PTGFRN: variants seen among roughly 807,000 people sequenced by gnomAD.
PTGFRN encodes the protein prostaglandin F2 receptor inhibitor.
A neutral mutation model predicts 83.2 loss-of-function variants in PTGFRN; 35 were observed. That is an observed-to-expected ratio of 0.42 (90% CI 0.32 to 0.56). PTGFRN has a LOEUF of 0.56. PTGFRN is among the 20% of genes least tolerant of loss of function. PTGFRN has a pLI of 0.11. For synonymous variants in PTGFRN, 519 were observed against 498.6 expected (o/e 1.04, Z -0.55); for missense variants, 1,051 against 1,179.5 (o/e 0.89, Z 1.60).
chr1:116,942,987 A>G (rs1650097495), intron 2 of PTGFRN, among the ~76,000 whole-genome samples: 1 of 152,250 alleles, frequency 6.6e-6, no homozygotes, highest in Non-Finnish European at 1.5e-5. Flanking sequence ...AAGAAAATAG[A>G]AACATTATAA....
In PTGFRN at chr1:116,944,781, C is replaced by T. The variant is rs976967451; in HGVS notation, c.521C>T (p.Ala174Val). Residue 174 changes from alanine (A) to valine (V), a missense_variant, in exon 3 of 9, where the codon GCC becomes GTC. By Grantham distance (64) the Ala-to-Val change is moderately conservative (BLOSUM62 0). This residue lies in a region of PTGFRN where 205 missense variants were observed against 174.5 expected (regional missense o/e 1.17). Transcript: ENST00000393203. ...GAGCTGCGCTGCACCGCCGCCTCCG[C>T]CTCGCCGCTGCACACGCACCTGGCG... is the stretch of plus-strand genomic sequence containing the variant. ...PFELRCTAAS[A>V]SPLHTHLALL... 1 of 1,559,898 alleles carries T rather than the reference C, an allele frequency of 6.4e-7. No individual in the cohort carries two copies. The highest frequency in any genetic ancestry group is 8.6e-7 in the Non-Finnish European group (1 of 1,156,746).
intron 7 of PTGFRN, among the ~76,000 whole-genome samples, chr1:116,977,963 G>C (rs1570678612): frequency 6.6e-6 from 1 of 152,056 alleles, no homozygotes; most frequent in Admixed American, 6.5e-5. Context: ...CAACAAAATA[G>C]ATAGACCACT....
rs760963805 is a variant in PTGFRN at position 116,923,498 on chromosome 1, G to A, written c.49+13246G>A. On this transcript the variant is annotated intron_variant, in intron 1 of 8. Transcript: ENST00000393203. The surrounding 1 kb of genome is among the most constrained non-coding windows in gnomAD (Gnocchi z 4.0). ...TCTCGTTTTTTTCCTTGGCAGCTTGGGTGGAAGACAGATGACTCATGAGTT... is the reference window on the plus strand; with the variant it reads ...TCTCGTTTTTTTCCTTGGCAGCTTGAGTGGAAGACAGATGACTCATGAGTT... Among the ~76,000 whole-genome samples the A allele has an allele frequency of 6.6e-6, 1 of 152,050 alleles. No individual in the cohort carries two copies. The highest frequency in any genetic ancestry group is 1.5e-5 in the Non-Finnish European group (1 of 68,010).
intron 5 of PTGFRN, among the ~76,000 whole-genome samples, chr1:116,964,274 G>C (rs1275673691): frequency 6.6e-6 from 1 of 152,002 alleles, no homozygotes; most frequent in Non-Finnish European, 1.5e-5. Context: ...GCTGCTTGTG[G>C]TAAGATGGCC....
intron 7 of PTGFRN, among the ~76,000 whole-genome samples, chr1:116,976,306 A>G (rs1651153996): frequency 6.6e-6 from 1 of 152,210 alleles, no homozygotes; most frequent in African/African-American, 2.4e-5. Context: ...TCTGCAGGAT[A>G]TTGTCCAGTA....
chr1:116,933,796 C>T (rs1042446390), intron 1 of PTGFRN, among the ~76,000 whole-genome samples: 2 of 152,150 alleles, frequency 1.3e-5, no homozygotes, highest in African/African-American at 4.8e-5. Context: ...TGAAAGTTAG[C>T]CATCAGTTGT....
Position 116,989,378 on chromosome 1 carries a change from A to G in PTGFRN, c.*2411A>G, listed in dbSNP as rs1651634208. 6.6e-6 allele frequency: 1 copy of G among 152,294 alleles called. No individual in the cohort carries two copies. The highest frequency in any genetic ancestry group is 2.4e-5 in the African/African-American group (1 of 41,454). 9.4% of individuals were successfully genotyped at this position (152,294 alleles called of 1,614,324 possible). On this transcript the variant is annotated 3_prime_UTR_variant, in exon 9 of 9. Coordinates refer to ENST00000393203, the MANE Select transcript of PTGFRN (RefSeq NM_020440.4). ...TTGTACCAAGGACCTAGTTCCTTCT[A>G]GGGATATAAATTTCCAGGAATGTGT...
intron 4 of PTGFRN, among the ~76,000 whole-genome samples, chr1:116,956,647 G>A (rs1393039210): frequency 1.3e-5 from 2 of 152,330 alleles, no homozygotes; most frequent in Middle Eastern, 3.4e-3. Flanking sequence ...CTGCGGCTGG[G>A]TGCACGCAGT....
In PTGFRN at chr1:116,986,814, C is replaced by G. The variant is rs1255985873; in HGVS notation, c.2487C>G (p.Phe829Leu). The G allele has an allele frequency of 1.2e-6, 2 of 1,614,134 alleles. No individual in the cohort carries two copies. Among genetic ancestry groups the G allele is most frequent in the Non-Finnish European group, 8.5e-7 (1 of 1,179,998 alleles). ...ITVKMDVLNA[F>L]KYPLLIGVGL... Reference sequence around the variant, plus strand: ...TCTCCCTCCCAGTGCTGAACGCCTTCAAGTATCCCTTGCTGATCGGCGTCG... The same window carrying G: ...TCTCCCTCCCAGTGCTGAACGCCTTGAAGTATCCCTTGCTGATCGGCGTCG... Residue 829 changes from phenylalanine to leucine, a missense_variant, in exon 9 of 9, where the codon TTC becomes TTG. Physicochemically the swap from Phe to Leu is conservative, Grantham distance 22. This residue lies in a region of PTGFRN where 719 missense variants were observed against 836.6 expected (regional missense o/e 0.86). Coordinates refer to ENST00000393203, the MANE Select transcript of PTGFRN (RefSeq NM_020440.4).
intron 1 of PTGFRN, among the ~76,000 whole-genome samples, chr1:116,937,452 C>T (rs563762047): frequency 1.6e-4 from 24 of 152,260 alleles, no homozygotes; most frequent in Admixed American, 5.2e-4. Flanking sequence ...GGGTGCTGGC[C>T]GGGGCCAGGG....
intron 1 of PTGFRN, among the ~76,000 whole-genome samples, chr1:116,935,272 G>T (rs757967566): frequency 3.9e-5 from 6 of 152,252 alleles, no homozygotes; most frequent in South Asian, 2.1e-4. Context: ...CCCACAAGGT[G>T]CTGGAAGCTC....
At chr1:116,973,806 T>G (rs1651068675) in intron 6 of PTGFRN, among the ~76,000 whole-genome samples, 1 of 152,024 alleles carries the variant, frequency 6.6e-6, no homozygotes, top group Non-Finnish European at 1.5e-5. Context: ...GACCACTCAC[T>G]CCACTGGAAC....
In PTGFRN at chr1:116,982,577, G is replaced by A. The variant is rs370429334; in HGVS notation, c.2168-2103G>A. On this transcript the variant is annotated intron_variant, in intron 7 of 8. Coordinates refer to ENST00000393203, the MANE Select transcript of PTGFRN (RefSeq NM_020440.4). Reference sequence around the variant, plus strand: ...TCCGCAAGCAAAGACAGACAAGCACGCGAGTGATGGATTGAGGGAGTGTTC... The same window carrying A: ...TCCGCAAGCAAAGACAGACAAGCACACGAGTGATGGATTGAGGGAGTGTTC... 1.9e-3 allele frequency among the ~76,000 whole-genome samples: 286 copies of A among 152,136 alleles called. 15 individuals carry two copies. In the South Asian group the frequency reaches 0.058, roughly 31 times the overall value.
chr1:116,941,285 C>T lies in PTGFRN; in HGVS notation c.50-430C>T, dbSNP rs1650051574. On this transcript the variant is annotated intron_variant, in intron 1 of 8. Transcript: ENST00000393203. The surrounding 1 kb of genome is among the most constrained non-coding windows in gnomAD (Gnocchi z 5.0). ...GTCATTGTAAATCAGGTCTCAGGAG[C>T]CCCAGGGAATGGTCTCTAGGGATGA... Among the ~76,000 whole-genome samples, 1 of 152,126 alleles carries T rather than the reference C, an allele frequency of 6.6e-6. No individual in the cohort carries two copies. Among genetic ancestry groups the T allele is most frequent in the Non-Finnish European group, 1.5e-5 (1 of 68,018 alleles).
chr1:116,910,379 C>A, intron 1 of PTGFRN, 127 bp downstream of exon 1: 3 of 847,262 alleles, frequency 3.5e-6, no homozygotes, highest in South Asian at 5.8e-5. Context: ...GGAAACCCGG[C>A]CGGGGTGCGC....
intron 1 of PTGFRN, among the ~76,000 whole-genome samples, chr1:116,930,535 T>C (rs868634280): frequency 1.4e-4 from 21 of 152,330 alleles, no homozygotes; most frequent in Middle Eastern, 3.4e-3. Flanking sequence ...CCGGTGGACA[T>C]TTCTACTGGT....
chr1:116,953,246 A>G (rs770059999), intron 4 of PTGFRN, among the ~76,000 whole-genome samples: 1 of 152,222 alleles, frequency 6.6e-6, no homozygotes, highest in Non-Finnish European at 1.5e-5. Flanking sequence ...CAAGGAAGGT[A>G]ATTATTTTAT....
At chr1:116,944,175 G>A (rs1452091560) in intron 2 of PTGFRN, among the ~76,000 whole-genome samples, 1 of 152,192 alleles carries the variant, frequency 6.6e-6, no homozygotes, top group Non-Finnish European at 1.5e-5. Context: ...AGTCTAGAAG[G>A]TCACCTTATC....
In PTGFRN at chr1:116,961,728, T is replaced by C. The variant is rs562495175; in HGVS notation, c.1639+60T>C. 6.8e-7 allele frequency: 1 copy of C among 1,471,436 alleles called. No individual in the cohort carries two copies. The highest frequency in any genetic ancestry group is 1.4e-5 in the African/African-American group (1 of 71,304). 91.1% of individuals were successfully genotyped at this position (1,471,436 alleles called of 1,614,324 possible). A position where few individuals can be genotyped will look rare whatever the true frequency, so the allele number is the denominator to read the frequency against. ...TGTCTTTGCTTAAGTCGTGCCGCTG[T>C]GTGTTGATGCACAGTCACCCTCTGC... On this transcript the variant is annotated intron_variant, in intron 5 of 8. Coordinates refer to ENST00000393203, the MANE Select transcript of PTGFRN (RefSeq NM_020440.4). This position sits in a 1 kb window ranked among gnomAD's most constrained non-coding sequence, Gnocchi z 5.4.
Sources: allele counts gnomAD v4.1 joint callset (sites outside exome capture counted in the v4.1 genomes callset), GRCh38; gene constraint gnomAD v4.1.1; regional missense constraint gnomAD v4.1.1; non-coding constraint Gnocchi (gnomAD v3.1); transcripts MANE v1.5; gene names NCBI Gene and HGNC (gene_info 2026-07-23, HGNC 2026-07-21).